The following NSG2 variants were observed in gnomAD, a reference collection of about 807,000 sequenced individuals.
NSG2 encodes the protein neuronal vesicle trafficking-associated protein 2.
A neutral mutation model predicts 16.9 loss-of-function variants in NSG2; 4 were observed. The observed-to-expected ratio is 0.24, with a 90% CI of 0.12 to 0.54. The LOEUF is 0.54. NSG2 is among the 20% of genes least tolerant of loss of function. NSG2 has a pLI of 0.95. For missense variants in NSG2, 179 were observed against 221.1 expected, an observed-to-expected ratio of 0.81 and a Z score of 1.21; for synonymous variants, 98 against 88.7, an observed-to-expected ratio of 1.11 and a Z score of -0.59.
chr5:174,080,184 C>A (rs1269648228), intron 3 of NSG2, among the ~76,000 whole-genome samples: 2 of 151,936 alleles, frequency 1.3e-5, no homozygotes, highest in African/African-American at 2.4e-5. Flanking sequence ...ATACCAAATT[C>A]TTTCAGTTAC....
intron 2 of NSG2, among the ~76,000 whole-genome samples, chr5:174,061,850 G>A (rs1159217653): frequency 1.3e-5 from 2 of 150,510 alleles, no homozygotes; most frequent in East Asian, 2.0e-4. Context: ...TGATCCACCC[G>A]CCTCAGCCTC....
In NSG2 at chr5:174,063,521, C is replaced by CTATTTTATTT. The variant is rs61400785; in HGVS notation, c.130-670_130-661dup. Among the ~76,000 whole-genome samples the CTATTTTATTT allele has an allele frequency of 2.3e-3, 337 of 144,924 alleles. 1 individual carries two copies. The highest frequency in any genetic ancestry group is 7.6e-3 in the African/African-American group (303 of 39,936). On this transcript the variant is annotated intron_variant, in intron 2 of 4. Transcript: ENST00000303177. ...GAAACAGAATCTTCATCATAACTTT[C>CTATTTTATTT]TATTTTATTTTATTTTATTTTATTT... is the stretch of plus-strand genomic sequence containing the variant.
At chr5:174,083,626 C>T (rs1338400583) in intron 3 of NSG2, among the ~76,000 whole-genome samples, 1 of 152,182 alleles carries the variant, frequency 6.6e-6, no homozygotes, top group African/African-American at 2.4e-5. Context: ...CCTTGCAAAG[C>T]TCCTTTTTTC....
intron 3 of NSG2, among the ~76,000 whole-genome samples, chr5:174,087,668 T>C (rs1480947938): frequency 6.6e-6 from 1 of 151,406 alleles, no homozygotes; most frequent in Non-Finnish European, 1.5e-5. Flanking sequence ...CCCCTGCAAG[T>C]CCTCCTACTT....
intron 3 of NSG2, among the ~76,000 whole-genome samples, chr5:174,083,373 T>C (rs1285753452): frequency 6.6e-6 from 1 of 152,194 alleles, no homozygotes; most frequent in African/African-American, 2.4e-5. Flanking sequence ...TGGGGGAAAT[T>C]GTTCTTTATA....
At chr5:174,075,699 G>T (rs778400569) in intron 3 of NSG2, among the ~76,000 whole-genome samples, 3 of 152,116 alleles carry the variant, frequency 2.0e-5, no homozygotes, top group African/African-American at 4.8e-5. Flanking sequence ...TGGCTTCCTC[G>T]CTCTCTGGGC....
intron 3 of NSG2, among the ~76,000 whole-genome samples, chr5:174,070,439 C>G (rs1317589731): frequency 6.6e-6 from 1 of 152,178 alleles, no homozygotes; most frequent in Non-Finnish European, 1.5e-5. Context: ...CCCATTCTCT[C>G]TGCCACAACT....
intron 3 of NSG2, among the ~76,000 whole-genome samples, chr5:174,079,820 A>G (rs963929943): frequency 6.6e-6 from 1 of 152,224 alleles, no homozygotes; most frequent in Non-Finnish European, 1.5e-5. Flanking sequence ...CTTTAACTCA[A>G]ATTAATCATG....
rs146575100 is a variant in NSG2, at chr5:174,088,868, G to A, written c.214-15360G>A. On this transcript the variant is annotated intron_variant, in intron 3 of 4. Transcript: ENST00000303177. ...GTTTCTGGCTTCAGGACAAAGCTGA[G>A]GTCAAGACCTGGTTTTTCTCTTTAT... Among the ~76,000 whole-genome samples, 230 of 152,342 alleles carry A rather than the reference G, an allele frequency of 1.5e-3. 1 individual carries two copies. Among genetic ancestry groups the A allele is most frequent in the African/African-American group, 5.2e-3 (218 of 41,576 alleles).
intron 3 of NSG2, among the ~76,000 whole-genome samples, chr5:174,065,851 A>G (rs1760130282): frequency 6.6e-6 from 1 of 152,140 alleles, no homozygotes; most frequent in Non-Finnish European, 1.5e-5. Flanking sequence ...TATCAAATGG[A>G]GATAATAGTA....
At chr5:174,053,649 T>C (rs1338834748) in intron 2 of NSG2, among the ~76,000 whole-genome samples, 1 of 152,170 alleles carries the variant, frequency 6.6e-6, no homozygotes, top group Non-Finnish European at 1.5e-5. Context: ...TTGTAAATCA[T>C]CTCAAATTGG....
At chr5:174,088,676 C>G (rs1441390257) in intron 3 of NSG2, among the ~76,000 whole-genome samples, 7 of 152,206 alleles carry the variant, frequency 4.6e-5, no homozygotes, top group African/African-American at 1.4e-4. Context: ...TGGGCACCTG[C>G]TCTATGCCAG....
chr5:174,108,004 G>A lies in NSG2; in HGVS notation c.*499G>A, dbSNP rs1761013014. ...ACCGGGACTATTCCATTAGCCTGTGGTCTGCAGGGTAGGCCCGCAGGAAAT... is the reference window on the plus strand; with the variant it reads ...ACCGGGACTATTCCATTAGCCTGTGATCTGCAGGGTAGGCCCGCAGGAAAT... On this transcript the variant is annotated 3_prime_UTR_variant, in exon 5 of 5. Transcript: ENST00000303177. 2 of 332,652 alleles carry A rather than the reference G, an allele frequency of 6.0e-6. No homozygotes were observed. Among genetic ancestry groups the A allele is most frequent in the East Asian group, 8.6e-5 (1 of 11,596 alleles). 20.6% of individuals were successfully genotyped at this position (332,652 alleles called of 1,614,324 possible).
At chr5:174,097,843 C>CTGTGTG (rs111292177) in intron 3 of NSG2, among the ~76,000 whole-genome samples, 3 of 144,364 alleles carry the variant, frequency 2.1e-5, no homozygotes, top group East Asian at 4.1e-4. Flanking sequence ...TTGTGTGTGT[C>CTGTGTG]TGTGTGTGTG....
intron 2 of NSG2, among the ~76,000 whole-genome samples, chr5:174,063,523 A>ATTT (rs1245384632): frequency 6.6e-5 from 1 of 15,066 alleles, no homozygotes; most frequent in African/African-American, 2.1e-4. Context: ...ATAACTTTCT[A>ATTT]TTTTATTTTA....
chr5:174,096,081 C>A (rs1388685923), intron 3 of NSG2, among the ~76,000 whole-genome samples: 1 of 152,200 alleles, frequency 6.6e-6, no homozygotes, highest in African/African-American at 2.4e-5. Context: ...AATGAGGATA[C>A]AATACCACCT....
chr5:174,054,373 G>A (rs188877813), intron 2 of NSG2, among the ~76,000 whole-genome samples: 263 of 152,196 alleles, frequency 1.7e-3, no homozygotes, highest in Middle Eastern at 0.017. Context: ...AGAATGCGTC[G>A]AATTTTATTC....
chr5:174,081,271 G>A (rs926890436), intron 3 of NSG2, among the ~76,000 whole-genome samples: 3 of 151,968 alleles, frequency 2.0e-5, no homozygotes, highest in Non-Finnish European at 4.4e-5. Context: ...GACTCCTGAT[G>A]TCATTTTCCT....
intron 3 of NSG2, among the ~76,000 whole-genome samples, chr5:174,077,180 T>G (rs777695271): frequency 8.5e-5 from 13 of 152,182 alleles, no homozygotes; most frequent in Non-Finnish European, 1.8e-4. Flanking sequence ...CTTGATGCAA[T>G]TTTAGGTCTA....
Sources: gnomAD v4.1 joint callset for allele counts (sites outside exome capture counted in the v4.1 genomes callset) on GRCh38, gnomAD v4.1.1 for gene constraint, MANE v1.5 for transcripts, NCBI Gene and HGNC (gene_info 2026-07-23, HGNC 2026-07-21) for gene names.